MTUS1: variants seen among roughly 807,000 people sequenced by gnomAD.
MTUS1 encodes microtubule-associated tumor suppressor 1.
MTUS1 carries 109 observed loss-of-function variants against 120.8 expected under a neutral mutation model. The ratio of observed to expected loss-of-function variants is 0.90; its 90% confidence interval spans 0.77 to 1.06. The LOEUF (loss-of-function observed/expected upper bound fraction) is 1.06, where lower values mean the gene tolerates loss of function less well. Among genes scored for constraint, MTUS1 ranks in the 50% least tolerant of loss-of-function variants. MTUS1 has a pLI of 0.00. For missense variants in MTUS1, 2,210 were observed against 1,486.3 expected, an observed-to-expected ratio of 1.49 and a Z score of -8.01; for synonymous variants, 737 against 550.5, an observed-to-expected ratio of 1.34 and a Z score of -4.74.
intron 4 of MTUS1, among the ~76,000 whole-genome samples, chr8:17,719,358 G>A (rs915819416): frequency 1.6e-4 from 24 of 152,130 alleles, no homozygotes; most frequent in African/African-American, 5.8e-4. Flanking sequence ...CAGATCATCT[G>A]CCCACTTGGC....
At chr8:17,771,392 T>G (rs1417376791) in intron 1 of MTUS1, among the ~76,000 whole-genome samples, 2 of 152,212 alleles carry the variant, frequency 1.3e-5, no homozygotes, top group Non-Finnish European at 2.9e-5. Context: ...AAATTTATGC[T>G]CCAATGGAAT....
In MTUS1 at chr8:17,754,735, T is replaced by A; in HGVS notation, c.1073A>T (p.Asp358Val). Residue 358 changes from aspartate to valine, a missense_variant, in exon 2 of 15, where the codon GAT becomes GTT. Physicochemically the swap from Asp to Val is radical, Grantham distance 152 (BLOSUM62 -3). Transcript: ENST00000693296. ...DECPLMVPAFDKSEAQVLNPE... is the reference protein window; with the variant it reads ...DECPLMVPAFVKSEAQVLNPE... ...GTTCAGCACTTGAGCTTCGCTCTTATCAAAAGCTGGCACCATTAAAGGGCA... is the reference window on the plus strand; with the variant it reads ...GTTCAGCACTTGAGCTTCGCTCTTAACAAAAGCTGGCACCATTAAAGGGCA... 1 of 1,614,252 alleles carries A rather than the reference T, an allele frequency of 6.2e-7. No homozygotes were observed.
At chr8:17,728,730 C>T (rs1444270016) in intron 3 of MTUS1, among the ~76,000 whole-genome samples, 6 of 141,082 alleles carry the variant, frequency 4.3e-5, no homozygotes, top group African/African-American at 1.6e-4. Flanking sequence ...ATGCCAGACT[C>T]ATAATTTTAG....
chr8:17,756,671 A>ACCCCCCCCCCCCCCC (rs1177055386), intron 1 of MTUS1, among the ~76,000 whole-genome samples: 1 of 117,484 alleles, frequency 8.5e-6, no homozygotes, highest in Non-Finnish European at 1.7e-5. Context: ...TCAAGCCCAA[A>ACCCCCCCCCCCCCCC]CCCCCACCCC....
Position 17,698,257 on chromosome 8 carries a change from G to A in MTUS1, c.2624-13715C>T, listed in dbSNP as rs549363975. 2.1e-3 allele frequency among the ~76,000 whole-genome samples: 314 copies of A among 152,236 alleles called. 1 individual carries two copies. Among genetic ancestry groups the A allele is most frequent in the African/African-American group, 7.1e-3 (297 of 41,566 alleles). On this transcript the variant is annotated intron_variant, in intron 6 of 14. Transcript: ENST00000693296. ...TAATTGCATTTATAGAACATCATGT[G>A]GTCTCTTATAGTGGTCTTTCAAGAC... is the stretch of plus-strand genomic sequence containing the variant.
chr8:17,655,749 T>A, intron 9 of MTUS1, 114 bp downstream of exon 9: 1 of 896,524 alleles, frequency 1.1e-6, no homozygotes, highest in South Asian at 1.5e-5. Flanking sequence ...AACAACAACA[T>A]GCTTTTTATA....
intron 6 of MTUS1, among the ~76,000 whole-genome samples, chr8:17,695,312 T>C (rs1817734757): frequency 6.6e-6 from 1 of 152,274 alleles, no homozygotes; most frequent in Non-Finnish European, 1.5e-5. Flanking sequence ...AGCTGGAAAA[T>C]ATGTACGCCA....
At chr8:17,798,480 A>G (rs2052427597) in intron 1 of MTUS1, among the ~76,000 whole-genome samples, 1 of 152,072 alleles carries the variant, frequency 6.6e-6, no homozygotes, top group Admixed American at 6.6e-5. Context: ...TTACAGATCC[A>G]TGCCAACACA....
At chr8:17,752,008 T>C (rs1188503885) in intron 2 of MTUS1, among the ~76,000 whole-genome samples, 1 of 151,904 alleles carries the variant, frequency 6.6e-6, no homozygotes, top group Non-Finnish European at 1.5e-5. Flanking sequence ...GCCAGATTCC[T>C]GAGGCGAAAA....
chr8:17,719,845 T>C (rs1823061833), intron 4 of MTUS1, among the ~76,000 whole-genome samples: 1 of 152,168 alleles, frequency 6.6e-6, no homozygotes, highest in Non-Finnish European at 1.5e-5. Flanking sequence ...CTATTCTTTA[T>C]CAGCTTAATC....
chr8:17,654,743 A>C, intron 9 of MTUS1, 77 bp from the exon 10 acceptor site: 1 of 984,610 alleles, frequency 1.0e-6, no homozygotes, highest in Non-Finnish European at 1.6e-6. Flanking sequence ...CAACCACATT[A>C]GGAGACGTCA....
chr8:17,745,394 G>A (rs1020998090), intron 2 of MTUS1, among the ~76,000 whole-genome samples: 1 of 152,128 alleles, frequency 6.6e-6, no homozygotes, highest in Non-Finnish European at 1.5e-5. Flanking sequence ...GTTTCAGGTG[G>A]ATTCAACATA....
intron 8 of MTUS1, among the ~76,000 whole-genome samples, chr8:17,670,251 G>A (rs7013901): frequency 5.3e-4 from 80 of 152,276 alleles, no homozygotes; most frequent in African/African-American, 1.9e-3. Flanking sequence ...GCTCACCTGG[G>A]GGCAGCCCCT....
At position 17,753,860 on chromosome 8, in the gene MTUS1, A is replaced by G. The variant is rs2048374619; in HGVS notation, c.1948T>C (p.Cys650Arg). 1 of 1,614,064 alleles carries G rather than the reference A, an allele frequency of 6.2e-7. No homozygotes were observed. Residue 650 changes from cysteine to arginine, a missense_variant, in exon 2 of 15, where the codon TGT becomes CGT. By Grantham distance (180) the Cys-to-Arg change is radical. Transcript: ENST00000693296. Reference sequence around the variant, plus strand: ...TTGGGAACATAGGTCATTTCCAAACATTCTGCACTTTCCATTTTAACAGGG... The same window carrying G: ...TTGGGAACATAGGTCATTTCCAAACGTTCTGCACTTTCCATTTTAACAGGG... ...ILPVKMESAE[C>R]LEMTYVPNID...
intron 1 of MTUS1, among the ~76,000 whole-genome samples, chr8:17,795,282 T>G (rs573609587): frequency 5.3e-5 from 8 of 152,342 alleles, no homozygotes; most frequent in African/African-American, 1.9e-4. Flanking sequence ...GATTCCCTTT[T>G]CAATGTCATT....
chr8:17,664,328 G>A lies in MTUS1; in HGVS notation c.2906-8263C>T, dbSNP rs148720110. On this transcript the variant is annotated intron_variant, in intron 8 of 14. Transcript: ENST00000693296. ...AAAGTGCCAGGCAAATTTTCATAGC[G>A]CCACATAAGAGAATACCATAGAAAG... Among the ~76,000 whole-genome samples the A allele has an allele frequency of 1.3e-3, 194 of 152,230 alleles. 3 individuals are homozygous for A. The highest frequency in any genetic ancestry group is 3.4e-3 in the Middle Eastern group (1 of 294).
intron 1 of MTUS1, among the ~76,000 whole-genome samples, chr8:17,797,626 G>A (rs903611347): frequency 6.6e-6 from 1 of 152,006 alleles, no homozygotes; most frequent in African/African-American, 2.4e-5. Context: ...CTTCTCAGGA[G>A]GCCACAGTCA....
intron 8 of MTUS1, among the ~76,000 whole-genome samples, chr8:17,666,633 A>AT (rs1810971811): frequency 6.6e-6 from 1 of 152,110 alleles, no homozygotes; most frequent in South Asian, 2.1e-4. Flanking sequence ...GTTTTGCTTT[A>AT]TTTTTCTTTG....
Position 17,754,809 on chromosome 8 carries a change from C to CTCTCTCAG in MTUS1, c.998_999insCTGAGAGA (p.Met333IlefsTer2). 1.2e-6 allele frequency: 2 copies of CTCTCTCAG among 1,614,200 alleles called. No individual in the cohort carries two copies. The highest frequency in any genetic ancestry group is 1.7e-6 in the Non-Finnish European group (2 of 1,180,044). Reference sequence around the variant, plus strand: ...ACACTGTCTCTCTCAGATTTTGGCCCATTTCCTTGTGCCTGTATGAGCTCT... The same window carrying CTCTCTCAG: ...ACACTGTCTCTCTCAGATTTTGGCCCTCTCTCAGATTTCCTTGTGCCTGTATGAGCTCT... On this transcript the variant is annotated stop_gained and frameshift_variant, in exon 2 of 15. Coordinates refer to ENST00000693296, the MANE Select transcript of MTUS1 (RefSeq NM_001363059.2). LOFTEE classifies it high-confidence loss of function.
Sources: gnomAD v4.1 joint callset for allele counts (sites outside exome capture counted in the v4.1 genomes callset) on GRCh38, gnomAD v4.1.1 for gene constraint, MANE v1.5 for transcripts, NCBI Gene and HGNC (gene_info 2026-07-23, HGNC 2026-07-21) for gene names.